The following ZFYVE9 variants were observed in gnomAD, a reference collection of about 807,000 sequenced individuals.
ZFYVE9 encodes the protein zinc finger FYVE domain-containing protein 9.
In ZFYVE9, 43 loss-of-function variants were observed where a neutral mutation model predicts 126.7. That is an observed-to-expected ratio of 0.34 (90% CI 0.27 to 0.44). The LOEUF is 0.44. ZFYVE9 is among the 20% of genes least tolerant of loss of function. ZFYVE9 has a pLI of 1.00. For missense variants in ZFYVE9, 1,476 were observed against 1,697.0 expected (o/e 0.87, Z 2.29); for synonymous variants, 521 against 597.4 (o/e 0.87, Z 1.87).
chr1:52,190,538 T>C lies in ZFYVE9; in HGVS notation c.-142-25831T>C, dbSNP rs570866305. Among the ~76,000 whole-genome samples the C allele has an allele frequency of 2.0e-5, 3 of 152,304 alleles. No individual in the cohort carries two copies. In the East Asian group the frequency reaches 5.8e-4, roughly 29 times the overall value. On this transcript the variant is annotated intron_variant, in intron 1 of 18. Transcript: ENST00000287727. ...TGTCTCATGTGCTGTGACCAATAAG[T>C]GGAGCTTGTTTTGATATGGATTAGA...
chr1:52,319,829 A>T (rs1646221564), intron 13 of ZFYVE9, among the ~76,000 whole-genome samples: 1 of 151,352 alleles, frequency 6.6e-6, no homozygotes, highest in African/African-American at 2.4e-5. Flanking sequence ...CCTGGCCAAC[A>T]TGGTGAAATC....
chr1:52,297,290 T>C (rs1405927881), intron 12 of ZFYVE9, among the ~76,000 whole-genome samples: 1 of 151,402 alleles, frequency 6.6e-6, no homozygotes, highest in Non-Finnish European at 1.5e-5. Context: ...TTGTCCAGGC[T>C]GGAGTGCAGT....
chr1:52,166,955 A>T (rs17401875), intron 1 of ZFYVE9, among the ~76,000 whole-genome samples: 11,191 of 152,326 alleles, frequency 0.073, 545 homozygotes, highest in South Asian at 0.11. Context: ...AAATCTTTTT[A>T]AAAAATGTAT....
intron 10 of ZFYVE9, among the ~76,000 whole-genome samples, chr1:52,286,942 A>C (rs1433075173): frequency 6.6e-6 from 1 of 151,906 alleles, no homozygotes; most frequent in African/African-American, 2.4e-5. Context: ...GCTACTCCCA[A>C]CCGTGCTATT....
At chr1:52,178,452 C>T (rs1324926851) in intron 1 of ZFYVE9, among the ~76,000 whole-genome samples, 1 of 151,650 alleles carries the variant, frequency 6.6e-6, no homozygotes, top group South Asian at 2.1e-4. Flanking sequence ...TTGCCTCGGC[C>T]TCCTGAGTAG....
At chr1:52,288,389 C>A (rs1206160346) in intron 10 of ZFYVE9, among the ~76,000 whole-genome samples, 1 of 152,134 alleles carries the variant, frequency 6.6e-6, no homozygotes, top group Non-Finnish European at 1.5e-5. Flanking sequence ...GCCTTGATCT[C>A]CTTGGGCCCA....
chr1:52,233,253 TAGATGA>T lies in ZFYVE9; in HGVS notation c.49_54del (p.Asp17_Glu18del). On this transcript the variant is annotated inframe_deletion, in exon 3 of 19. Coordinates refer to ENST00000287727, the MANE Select transcript of ZFYVE9 (RefSeq NM_004799.4). ...GAAGCTTACAACCTGGACAAGGTGT[TAGATGA>T]ATTTGAACAAAACGAAGGTGAGAAT... is the stretch of plus-strand genomic sequence containing the variant. The T allele has an allele frequency of 6.3e-7, 1 of 1,583,234 alleles. No individual in the cohort carries two copies. The highest frequency in any genetic ancestry group is 8.6e-7 in the Non-Finnish European group (1 of 1,161,904).
chr1:52,176,786 C>A (rs1644635517), intron 1 of ZFYVE9, among the ~76,000 whole-genome samples: 1 of 152,186 alleles, frequency 6.6e-6, no homozygotes, highest in Non-Finnish European at 1.5e-5. Flanking sequence ...GGGCATAGGA[C>A]CCTCCGAGCC....
chr1:52,337,543 C>G (rs1051212817), intron 15 of ZFYVE9, among the ~76,000 whole-genome samples: 3 of 152,184 alleles, frequency 2.0e-5, no homozygotes, highest in African/African-American at 7.2e-5. Context: ...TAAGTAGTCT[C>G]AGGAGAAATT....
intron 1 of ZFYVE9, among the ~76,000 whole-genome samples, chr1:52,168,185 TTCC>T (rs1433643165): frequency 6.6e-6 from 1 of 151,814 alleles, no homozygotes; most frequent in Non-Finnish European, 1.5e-5. Context: ...ACAGATTAGA[TTCC>T]TCCTCCTCTT....
chr1:52,226,977 C>T (rs112771075), intron 2 of ZFYVE9, among the ~76,000 whole-genome samples: 10,908 of 152,222 alleles, frequency 0.072, 498 homozygotes, highest in African/African-American at 0.12. Context: ...TGACTTTTCC[C>T]TTTAGCTTAG....
chr1:52,325,609 G>A (rs964888335), intron 13 of ZFYVE9, among the ~76,000 whole-genome samples: 3 of 152,130 alleles, frequency 2.0e-5, no homozygotes, highest in Non-Finnish European at 4.4e-5. Context: ...AAAGAAAATC[G>A]TGCTAACCAC....
intron 12 of ZFYVE9, among the ~76,000 whole-genome samples, chr1:52,301,043 A>G (rs1275966708): frequency 6.6e-6 from 1 of 151,634 alleles, no homozygotes; most frequent in Non-Finnish European, 1.5e-5. Context: ...TATTTTTAGT[A>G]GAGACAGGGT....
intron 2 of ZFYVE9, among the ~76,000 whole-genome samples, chr1:52,226,426 C>T (rs1468044576): frequency 6.6e-6 from 1 of 152,104 alleles, no homozygotes; most frequent in Non-Finnish European, 1.5e-5. Context: ...ATCCCAGCTA[C>T]TCGGGAGGCT....
At chr1:52,309,014 T>C (rs995546066) in intron 13 of ZFYVE9, among the ~76,000 whole-genome samples, 12 of 152,172 alleles carry the variant, frequency 7.9e-5, no homozygotes, top group Non-Finnish European at 1.8e-4. Flanking sequence ...ACAGAGAAAG[T>C]AGATCTCTAG....
At chr1:52,312,157 T>C (rs573218687) in intron 13 of ZFYVE9, among the ~76,000 whole-genome samples, 1 of 152,332 alleles carries the variant, frequency 6.6e-6, no homozygotes, top group East Asian at 1.9e-4. Context: ...AGGATGTATC[T>C]AACTTCCCAA....
intron 4 of ZFYVE9, among the ~76,000 whole-genome samples, chr1:52,248,741 T>C (rs1645415204): frequency 2.0e-5 from 3 of 152,216 alleles, no homozygotes; most frequent in Admixed American, 2.0e-4. Context: ...TGTACAAGCA[T>C]CTGTTTGAGT....
chr1:52,213,379 G>A (rs939047988), intron 1 of ZFYVE9, among the ~76,000 whole-genome samples: 5 of 152,050 alleles, frequency 3.3e-5, no homozygotes, highest in Admixed American at 2.0e-4. Flanking sequence ...GGCCAGGTGC[G>A]GTGGCTCACG....
intron 1 of ZFYVE9, among the ~76,000 whole-genome samples, chr1:52,213,844 T>C (rs937963198): frequency 2.0e-5 from 3 of 151,906 alleles, no homozygotes; most frequent in Non-Finnish European, 4.4e-5. Flanking sequence ...GAGGAAGATA[T>C]GTTGAGAAGC....
Sources: allele counts gnomAD v4.1 joint callset (sites outside exome capture counted in the v4.1 genomes callset), GRCh38; gene constraint gnomAD v4.1.1; transcripts MANE v1.5; gene names NCBI Gene and HGNC (gene_info 2026-07-23, HGNC 2026-07-21).